The following CD200 variants were observed in gnomAD, a reference collection of about 807,000 sequenced individuals.
The protein encoded by CD200 is CD200 molecule.
A neutral mutation model predicts 30.9 loss-of-function variants in CD200; 15 were observed. The observed-to-expected ratio is 0.49, with a 90% CI of 0.32 to 0.75. CD200 has a LOEUF of 0.75. Ranked by LOEUF, CD200 falls within the 30% of genes least tolerant of loss-of-function variation. CD200 has a pLI of 0.03. For synonymous variants in CD200, 134 were observed against 126.2 expected, an observed-to-expected ratio of 1.06 and a Z score of -0.41; for missense variants, 262 against 324.2, an observed-to-expected ratio of 0.81 and a Z score of 1.47.
intron 5 of CD200, among the ~76,000 whole-genome samples, chr3:112,360,329 A>AAAT (rs1256550584): frequency 7.7e-6 from 1 of 130,708 alleles, no homozygotes; most frequent in East Asian, 2.2e-4. Flanking sequence ...CTTCATCTAA[A>AAAT]AAAAATATAT....
rs571836112 is a variant in CD200 at position 112,340,822 on chromosome 3, G to A, written c.13-80G>A. ...TAAAAACTTAGCTACAACATTCCCTGAAATAGCGATTAGATTGAAGCTTCC... is the reference window on the plus strand; with the variant it reads ...TAAAAACTTAGCTACAACATTCCCTAAAATAGCGATTAGATTGAAGCTTCC... On this transcript the variant is annotated intron_variant, in intron 1 of 5. Transcript: ENST00000315711. 1.3e-5 allele frequency: 12 copies of A among 951,584 alleles called. No homozygotes were observed. The South Asian group carries it at 1.5e-4, about 12-fold the overall frequency. 58.9% of individuals were successfully genotyped at this position (951,584 alleles called of 1,614,324 possible).
At chr3:112,352,171 T>C (rs576246701) in intron 5 of CD200, among the ~76,000 whole-genome samples, 13 of 152,320 alleles carry the variant, frequency 8.5e-5, no homozygotes, top group South Asian at 6.2e-4. Flanking sequence ...TCAATTATGC[T>C]GAAGCTTAAA....
intron 5 of CD200, among the ~76,000 whole-genome samples, chr3:112,352,287 C>A (rs2081546725): frequency 6.6e-6 from 1 of 152,140 alleles, no homozygotes; most frequent in South Asian, 2.1e-4. Flanking sequence ...AAGATAGTGA[C>A]ACTTTTTATT....
rs928419521 is a variant in CD200, at chr3:112,333,167, C to A, written c.-46C>A. 6 of 1,548,296 alleles carry A rather than the reference C, an allele frequency of 3.9e-6. No homozygotes were observed. Among genetic ancestry groups the A allele is most frequent in the Admixed American group, 3.9e-5 (2 of 50,998 alleles). On this transcript the variant is annotated 5_prime_UTR_variant, in exon 1 of 6. Transcript: ENST00000315711. ...CCCGCCTGCCTAGCAGAGCTCCAGG[C>A]GCACATCCGCAGTCAGCCACCTCGC...
chr3:112,340,396 T>C (rs1440811452), intron 1 of CD200, among the ~76,000 whole-genome samples: 1 of 152,190 alleles, frequency 6.6e-6, no homozygotes, highest in African/African-American at 2.4e-5. Flanking sequence ...GTACTGCTTT[T>C]TAAAACATGC....
At chr3:112,356,304 T>C (rs57490138) in intron 5 of CD200, among the ~76,000 whole-genome samples, 174 of 152,224 alleles carry the variant, frequency 1.1e-3, no homozygotes, top group African/African-American at 4.1e-3. Context: ...ATGTACACAA[T>C]TGTCTTTTAA....
At chr3:112,344,511 G>A (rs2081338512) in intron 2 of CD200, among the ~76,000 whole-genome samples, 1 of 152,286 alleles carries the variant, frequency 6.6e-6, no homozygotes, top group East Asian at 1.9e-4. Context: ...GATTGTGTAT[G>A]TGTGTGTGTT....
At position 112,333,169 on chromosome 3, in the gene CD200, C is replaced by G. The variant is rs2081032931; in HGVS notation, c.-44C>G. On this transcript the variant is annotated 5_prime_UTR_variant, in exon 1 of 6. Transcript: ENST00000315711. ...CGCCTGCCTAGCAGAGCTCCAGGCGCACATCCGCAGTCAGCCACCTCGCGC... is the reference window on the plus strand; with the variant it reads ...CGCCTGCCTAGCAGAGCTCCAGGCGGACATCCGCAGTCAGCCACCTCGCGC... 3.2e-6 allele frequency: 5 copies of G among 1,548,368 alleles called. No individual in the cohort carries two copies. The highest frequency in any genetic ancestry group is 2.7e-5 in the African/African-American group (2 of 72,934).
At chr3:112,342,413 CTTTCTTTCTTTCT>C (rs2081286922) in intron 2 of CD200, among the ~76,000 whole-genome samples, 1 of 64,868 alleles carries the variant, frequency 1.5e-5, no homozygotes, top group African/African-American at 6.0e-5. Flanking sequence ...TTCTTTCTTT[CTTTCTTTCTTTCT>C]TTCTTCTCTC....
At chr3:112,350,926 C>G (rs1441436610) in intron 5 of CD200, among the ~76,000 whole-genome samples, 1 of 152,078 alleles carries the variant, frequency 6.6e-6, no homozygotes, top group Non-Finnish European at 1.5e-5. Flanking sequence ...ACCCAAAAAG[C>G]CTTCAGTGTC....
chr3:112,337,891 CAT>C (rs1357993990), intron 1 of CD200, among the ~76,000 whole-genome samples: 2 of 151,980 alleles, frequency 1.3e-5, no homozygotes, highest in East Asian at 3.8e-4. Flanking sequence ...CATATCCTCC[CAT>C]ATATATAAAC....
At chr3:112,354,926 C>T (rs1261217930) in intron 5 of CD200, among the ~76,000 whole-genome samples, 1 of 152,202 alleles carries the variant, frequency 6.6e-6, no homozygotes, top group African/African-American at 2.4e-5. Context: ...CACTGAATCA[C>T]TCTAAATCTG....
At chr3:112,351,189 G>T (rs1321162087) in intron 5 of CD200, among the ~76,000 whole-genome samples, 2 of 152,138 alleles carry the variant, frequency 1.3e-5, no homozygotes, top group Non-Finnish European at 2.9e-5. Context: ...GAGCAGGCTA[G>T]GACTAAACCC....
chr3:112,340,774 CA>C, intron 1 of CD200, 127 bp from the exon 2 acceptor site: 1 of 649,232 alleles, frequency 1.5e-6, no homozygotes, highest in South Asian at 1.9e-5. Flanking sequence ...TCTGCTCCCA[CA>C]AAACCAAAAT....
intron 4 of CD200, 138 bp from the exon 5 acceptor site, chr3:112,349,573 TA>T (rs2081490156): frequency 2.1e-6 from 1 of 481,826 alleles, no homozygotes; most frequent in Admixed American, 4.1e-5. Flanking sequence ...TAAATATTAT[TA>T]AAATAATATG....
At chr3:112,342,338 CTTCTTTCTTTCTTTCTTTCT>C (rs869284838) in intron 2 of CD200, among the ~76,000 whole-genome samples, 370 of 21,886 alleles carry the variant, frequency 0.017, 17 homozygotes, top group East Asian at 0.029. Context: ...TCTTTCTTTC[CTTCTTTCTTTCTTTCTTTCT>C]TTCTTTCTTT....
At chr3:112,341,888 G>A (rs2081246506) in intron 2 of CD200, among the ~76,000 whole-genome samples, 1 of 152,182 alleles carries the variant, frequency 6.6e-6, no homozygotes, top group Non-Finnish European at 1.5e-5. Flanking sequence ...GCAACAGATA[G>A]TTTCCCAGAA....
intron 3 of CD200, among the ~76,000 whole-genome samples, chr3:112,346,309 T>A (rs1374006267): frequency 6.6e-6 from 1 of 152,016 alleles, no homozygotes; most frequent in African/African-American, 2.4e-5. Flanking sequence ...CTTTTTTTCT[T>A]GTGTCATATT....
At chr3:112,333,149 G>A, upstream of CD200, 1 of 1,546,068 alleles carries the variant, frequency 6.5e-7, no homozygotes, top group Non-Finnish European at 8.7e-7. Flanking sequence ...CCTCCCGCCT[G>A]CCTAGCAGAG....
Sources: gnomAD v4.1 joint callset for allele counts (sites outside exome capture counted in the v4.1 genomes callset) on GRCh38, gnomAD v4.1.1 for gene constraint, MANE v1.5 for transcripts, NCBI Gene and HGNC (gene_info 2026-07-23, HGNC 2026-07-21) for gene names.